RBFOX1: variants seen among roughly 807,000 people sequenced by gnomAD.
RBFOX1 encodes RNA binding protein fox-1 homolog 1.
In RBFOX1, 8 loss-of-function variants were observed where a neutral mutation model predicts 57.7. The observed-to-expected ratio is 0.14, with a 90% CI of 0.08 to 0.25. The LOEUF (loss-of-function observed/expected upper bound fraction) is 0.25. Among genes scored for constraint, RBFOX1 ranks in the 10% least tolerant of loss-of-function variants. The pLI is 1.00. For synonymous variants in RBFOX1, 326 were observed against 222.4 expected (o/e 1.47, Z -4.15); for missense variants, 611 against 548.5 (o/e 1.11, Z -1.14).
intron 4 of RBFOX1, among the ~76,000 whole-genome samples, chr16:7,396,932 C>A (rs965570672): frequency 4.6e-5 from 7 of 151,874 alleles, no homozygotes; most frequent in East Asian, 1.9e-4. Context: ...TAGGGTGAGA[C>A]TGTCAAAAAG....
intron 2 of RBFOX1, among the ~76,000 whole-genome samples, chr16:6,355,700 G>T (rs914500367): frequency 6.6e-6 from 1 of 152,162 alleles, no homozygotes; most frequent in African/African-American, 2.4e-5. Context: ...GATACTTGAG[G>T]AATCACCACA....
intron 3 of RBFOX1, among the ~76,000 whole-genome samples, chr16:5,618,103 T>C (rs1358935558): frequency 6.6e-6 from 1 of 152,204 alleles, no homozygotes; most frequent in African/African-American, 2.4e-5. Context: ...ACTCAGATCA[T>C]GATGTAAAGT....
chr16:6,823,021 C>T (rs937722860), intron 3 of RBFOX1, among the ~76,000 whole-genome samples: 2 of 151,984 alleles, frequency 1.3e-5, no homozygotes, highest in Non-Finnish European at 2.9e-5. Context: ...ACTGTATGTG[C>T]ATTATTCTGA....
chr16:7,350,443 T>C (rs2097107736), intron 4 of RBFOX1, among the ~76,000 whole-genome samples: 2 of 152,174 alleles, frequency 1.3e-5, no homozygotes, highest in South Asian at 4.1e-4. Context: ...TTCCACCTTG[T>C]AGGGCATTGC....
chr16:6,162,720 A>G (rs188718665), intron 1 of RBFOX1, among the ~76,000 whole-genome samples: 3 of 152,050 alleles, frequency 2.0e-5, no homozygotes, highest in Admixed American at 6.5e-5. Context: ...TGGGCATACA[A>G]TGTGCTTTTG....
At chr16:6,599,068 G>A (rs2097813587) in intron 2 of RBFOX1, among the ~76,000 whole-genome samples, 2 of 152,166 alleles carry the variant, frequency 1.3e-5, no homozygotes, top group Non-Finnish European at 1.5e-5. Flanking sequence ...GTGAGAAGAT[G>A]AATGCTTTTA....
intron 3 of RBFOX1, among the ~76,000 whole-genome samples, chr16:7,035,145 G>C (rs1041341931): frequency 1.3e-5 from 2 of 151,906 alleles, no homozygotes; most frequent in African/African-American, 4.8e-5. Context: ...GCTGCACCGG[G>C]CCTCTGAGAC....
intron 3 of RBFOX1, among the ~76,000 whole-genome samples, chr16:7,022,667 C>G (rs1235204824): frequency 6.6e-6 from 1 of 151,908 alleles, no homozygotes; most frequent in African/African-American, 2.4e-5. Flanking sequence ...ATAGAGCTGA[C>G]ATGTAGCAGA....
chr16:5,414,744 T>A lies in RBFOX1; in HGVS notation c.220-52472T>A, dbSNP rs1048530218. Among the ~76,000 whole-genome samples, 8 of 152,290 alleles carry A rather than the reference T, an allele frequency of 5.3e-5. No individual in the cohort carries two copies. In the South Asian group the frequency reaches 6.2e-4, roughly 12 times the overall value. On this transcript the variant is annotated intron_variant, in intron 1 of 2. Coordinates refer to the RBFOX1 transcript ENST00000585867. ...ACTCACCATCAGTCCAAGCCTAGAA[T>A]GACTGGTTGGATCTTAAGGGTGAAA...
At chr16:5,437,411 G>C (rs1465276895) in intron 1 of RBFOX1, among the ~76,000 whole-genome samples, 1 of 152,182 alleles carries the variant, frequency 6.6e-6, no homozygotes, top group East Asian at 1.9e-4. Context: ...CAGAGACTCT[G>C]AGAAATTCTC....
intron 3 of RBFOX1, among the ~76,000 whole-genome samples, chr16:6,779,055 GCATTATTGTT>G (rs2079885828): frequency 6.6e-6 from 1 of 151,952 alleles, no homozygotes; most frequent in Admixed American, 6.6e-5. Flanking sequence ...AATATACAAT[GCATTATTGTT>G]AACTATAGTT....
At chr16:6,366,403 A>G (rs1003358327) in intron 2 of RBFOX1, among the ~76,000 whole-genome samples, 3 of 152,146 alleles carry the variant, frequency 2.0e-5, no homozygotes, top group African/African-American at 7.2e-5. Context: ...TTTCTCACAT[A>G]CTACAGACAT....
chr16:5,475,834 A>G (rs2069302348), intron 2 of RBFOX1, among the ~76,000 whole-genome samples: 1 of 152,090 alleles, frequency 6.6e-6, no homozygotes, highest in African/African-American at 2.4e-5. Context: ...AGGCCTTGCT[A>G]TGTTATCCAG....
At chr16:7,214,577 C>T (rs915862234) in intron 4 of RBFOX1, among the ~76,000 whole-genome samples, 2 of 152,024 alleles carry the variant, frequency 1.3e-5, no homozygotes, top group African/African-American at 4.8e-5. Context: ...AGCTGTGCTC[C>T]TACCTCATCG....
intron 2 of RBFOX1, among the ~76,000 whole-genome samples, chr16:6,388,732 G>T (rs1471234085): frequency 6.6e-6 from 1 of 152,082 alleles, no homozygotes; most frequent in Non-Finnish European, 1.5e-5. Context: ...AGAGCGAGAT[G>T]CTGTTTCAAA....
chr16:6,553,532 C>T (rs2097032116), intron 2 of RBFOX1, among the ~76,000 whole-genome samples: 1 of 152,194 alleles, frequency 6.6e-6, no homozygotes, highest in South Asian at 2.1e-4. Context: ...AAACCTACCA[C>T]CCAATATCCA....
chr16:5,392,781 G>T (rs1281272530), intron 1 of RBFOX1, among the ~76,000 whole-genome samples: 1 of 151,952 alleles, frequency 6.6e-6, no homozygotes, highest in South Asian at 2.1e-4. Flanking sequence ...GCCATCCCTG[G>T]GTCTGTTGTA....
At chr16:6,735,219 A>G (rs2069831669) in intron 3 of RBFOX1, among the ~76,000 whole-genome samples, 2 of 152,182 alleles carry the variant, frequency 1.3e-5, no homozygotes, top group African/African-American at 4.8e-5. Context: ...TTATTGCTAG[A>G]TGCACATGAT....
intron 1 of RBFOX1, among the ~76,000 whole-genome samples, chr16:5,376,571 G>T (rs935294346): frequency 3.9e-5 from 6 of 152,246 alleles, no homozygotes; most frequent in Admixed American, 2.6e-4. Flanking sequence ...AAGGGGTGGT[G>T]CACACAAGCA....
Sources: allele counts gnomAD v4.1 joint callset (sites outside exome capture counted in the v4.1 genomes callset), GRCh38; gene constraint gnomAD v4.1.1; transcripts MANE v1.5; gene names NCBI Gene and HGNC (gene_info 2026-07-23, HGNC 2026-07-21).